The following CEP63 variants were observed in gnomAD, a reference collection of about 807,000 sequenced individuals.
CEP63 encodes the protein centrosomal protein of 63 kDa.
CEP63 carries 84 observed loss-of-function variants against 89.1 expected under a neutral mutation model. That is an observed-to-expected ratio of 0.94 (90% CI 0.79 to 1.13). CEP63 has a LOEUF of 1.13. Ranked by LOEUF, CEP63 falls within the 50% of genes most tolerant of loss-of-function variation. The probability of loss-of-function intolerance (pLI) is 0.00; values close to 1 mark genes in which losing one functional copy is unlikely to be tolerated. For synonymous variants in CEP63, 267 were observed against 272.5 expected (o/e 0.98, Z 0.20); for missense variants, 838 against 813.3 (o/e 1.03, Z -0.37).
At chr3:134,671,720 G>A in the CEP63 span, among the ~76,000 whole-genome samples, 11 of 152,222 alleles carry the variant, frequency 7.2e-5, no homozygotes, top group African/African-American at 2.7e-4. Context: ...GCTGGGTACA[G>A]TGAACAAATG....
chr3:134,490,281 A>G (rs1937160484), intron 1 of CEP63, among the ~76,000 whole-genome samples: 1 of 152,046 alleles, frequency 6.6e-6, no homozygotes, highest in Middle Eastern at 3.4e-3. Flanking sequence ...CACACGTTGG[A>G]TTTATGTTTG....
the CEP63 span, among the ~76,000 whole-genome samples, chr3:134,658,974 T>A: frequency 1.3e-5 from 2 of 152,252 alleles, no homozygotes; most frequent in African/African-American, 4.8e-5. Context: ...GACACCTTAA[T>A]TGATTTTCCA....
intron 3 of CEP63, among the ~76,000 whole-genome samples, chr3:134,511,635 C>T (rs992949148): frequency 3.9e-5 from 6 of 152,142 alleles, no homozygotes; most frequent in African/African-American, 1.2e-4. Context: ...GGAAGCATGG[C>T]TGGTGAGGCC....
chr3:134,719,717 GA>G, the CEP63 span, among the ~76,000 whole-genome samples: 1 of 152,116 alleles, frequency 6.6e-6, no homozygotes, highest in Non-Finnish European at 1.5e-5. Context: ...CATAGAAATG[GA>G]ATCATAAGGT....
chr3:134,573,734 G>A (rs1958112846), intron 11 of CEP63, among the ~76,000 whole-genome samples: 1 of 152,134 alleles, frequency 6.6e-6, no homozygotes. Flanking sequence ...GGGTATTCTG[G>A]CTAAGTAAGA....
chr3:134,643,074 T>C, the CEP63 span, among the ~76,000 whole-genome samples: 3 of 152,314 alleles, frequency 2.0e-5, 1 homozygote, highest in African/African-American at 7.2e-5. Context: ...GACAGCAGCG[T>C]GCTCTGAGGC....
Position 134,545,579 on chromosome 3 carries a change from T to G in CEP63, c.556-7T>G, listed in dbSNP as rs748149572. The G allele has an allele frequency of 4.2e-5, 68 of 1,604,200 alleles. No individual in the cohort carries two copies. The highest frequency in any genetic ancestry group is 5.4e-5 in the Non-Finnish European group (63 of 1,171,068). On this transcript the variant is annotated splice_region_variant and splice_polypyrimidine_tract_variant and intron_variant, in intron 6 of 14. Coordinates refer to ENST00000675561, the MANE Select transcript of CEP63 (RefSeq NM_001353108.3). ...TTTACCTATTGATTGATAGTCTGTG[T>G]TTCTAGGCTCAGCTTGTCAATCGGA...
chr3:134,572,931 A>G (rs926112261), intron 11 of CEP63, among the ~76,000 whole-genome samples: 1 of 151,962 alleles, frequency 6.6e-6, no homozygotes, highest in Non-Finnish European at 1.5e-5. Flanking sequence ...TGTTTTTTTG[A>G]CTTTTTGATA....
chr3:134,520,237 T>A (rs1392568635), intron 3 of CEP63, among the ~76,000 whole-genome samples: 1 of 152,078 alleles, frequency 6.6e-6, no homozygotes, highest in Non-Finnish European at 1.5e-5. Context: ...ATTTGCTGAG[T>A]TAAAGGTTAA....
intron 6 of CEP63, among the ~76,000 whole-genome samples, chr3:134,538,565 AT>A (rs991732919): frequency 2.2e-5 from 3 of 138,230 alleles, no homozygotes; most frequent in Non-Finnish European, 3.2e-5. Context: ...GTATATATAT[AT>A]TTTTTTAACA....
At chr3:134,636,208 G>C in the CEP63 span, among the ~76,000 whole-genome samples, 3 of 152,070 alleles carry the variant, frequency 2.0e-5, no homozygotes, top group South Asian at 6.2e-4. Context: ...GTTAGATATT[G>C]GCAAAATTTT....
intron 12 of CEP63, among the ~76,000 whole-genome samples, chr3:134,555,435 C>T (rs1314794001): frequency 1.3e-5 from 2 of 150,520 alleles, no homozygotes; most frequent in African/African-American, 4.9e-5. Context: ...TCTCAGGATA[C>T]AAAATCAATG....
intron 12 of CEP63, among the ~76,000 whole-genome samples, chr3:134,557,936 A>C (rs1956561959): frequency 6.6e-6 from 1 of 152,172 alleles, no homozygotes; most frequent in South Asian, 2.1e-4. Flanking sequence ...CACACAAGGA[A>C]GCCCGTTGTG....
chr3:134,618,693 C>A, the CEP63 span, among the ~76,000 whole-genome samples: 1 of 152,202 alleles, frequency 6.6e-6, no homozygotes, highest in Admixed American at 6.5e-5. Context: ...GTAGCCGCTT[C>A]GTAGTGATTC....
At chr3:134,590,892 T>C (rs1343347463), downstream of CEP63, among the ~76,000 whole-genome samples, 1 of 152,204 alleles carries the variant, frequency 6.6e-6, no homozygotes, top group Non-Finnish European at 1.5e-5. Context: ...TCTGCCCTGC[T>C]CCTGTCTGGA....
chr3:134,748,318 A>G, the CEP63 span, among the ~76,000 whole-genome samples: 1 of 152,186 alleles, frequency 6.6e-6, no homozygotes, highest in Non-Finnish European at 1.5e-5. Flanking sequence ...CTCTGCTTTC[A>G]GGAAGGCTCA....
At chr3:134,502,503 T>C (rs1356822355) in intron 2 of CEP63, among the ~76,000 whole-genome samples, 1 of 152,172 alleles carries the variant, frequency 6.6e-6, no homozygotes, top group Non-Finnish European at 1.5e-5. Context: ...TTATAACTCG[T>C]TATTAATCTA....
At chr3:134,505,890 G>A (rs1429145190) in intron 2 of CEP63, among the ~76,000 whole-genome samples, 1 of 152,192 alleles carries the variant, frequency 6.6e-6, no homozygotes, top group African/African-American at 2.4e-5. Context: ...TATCTGAGTT[G>A]TGCCTCTGAC....
At chr3:134,537,777 C>T (rs1951066096) in intron 6 of CEP63, among the ~76,000 whole-genome samples, 1 of 152,126 alleles carries the variant, frequency 6.6e-6, no homozygotes. Flanking sequence ...GTATCTTGGC[C>T]GAAGTGTCTC....
Sources: gnomAD v4.1 joint callset for allele counts (sites outside exome capture counted in the v4.1 genomes callset) on GRCh38, gnomAD v4.1.1 for gene constraint, MANE v1.5 for transcripts, NCBI Gene and HGNC (gene_info 2026-07-23, HGNC 2026-07-21) for gene names.